NFKB1: variants seen among roughly 807,000 people sequenced by gnomAD.
The protein encoded by NFKB1 is nuclear factor kappa B subunit 1.
Under a neutral mutation model 105.1 loss-of-function variants are expected in NFKB1, and 9 were observed. That is an observed-to-expected ratio of 0.09 (90% CI 0.05 to 0.15). NFKB1 has a LOEUF of 0.15. NFKB1 is among the 10% of genes least tolerant of loss of function. NFKB1 has a pLI of 1.00. For synonymous variants in NFKB1, 440 were observed against 442.2 expected (o/e 1.00, Z 0.06); for missense variants, 830 against 1,203.7 (o/e 0.69, Z 4.59).
At chr4:102,613,658 G>A in intron 23 of NFKB1, 77 bp downstream of exon 23, 2 of 1,484,892 alleles carry the variant, frequency 1.3e-6, no homozygotes, top group Non-Finnish European at 1.8e-6. Flanking sequence ...TTTTGGATAT[G>A]GTGTGGCAGT....
At chr4:102,530,976 T>C (rs559181418) in intron 3 of NFKB1, among the ~76,000 whole-genome samples, 3 of 152,302 alleles carry the variant, frequency 2.0e-5, no homozygotes, top group South Asian at 4.1e-4. Context: ...ATTTGAGCTC[T>C]AGGTCAGCTT....
chr4:102,505,478 T>A (rs1739361772), intron 1 of NFKB1, among the ~76,000 whole-genome samples: 1 of 152,240 alleles, frequency 6.6e-6, no homozygotes, highest in Non-Finnish European at 1.5e-5. Flanking sequence ...AGAATAATGA[T>A]ATATTTGGTT....
At chr4:102,560,735 CTGTT>C (rs769174638) in intron 5 of NFKB1, among the ~76,000 whole-genome samples, 1 of 152,136 alleles carries the variant, frequency 6.6e-6, no homozygotes, top group Non-Finnish European at 1.5e-5. Context: ...CTTTGTTAAT[CTGTT>C]TGAACTTCTG....
intron 5 of NFKB1, among the ~76,000 whole-genome samples, chr4:102,555,065 G>A (rs911742469): frequency 6.6e-6 from 1 of 152,132 alleles, no homozygotes; most frequent in Non-Finnish European, 1.5e-5. Flanking sequence ...CTGGTTTCAA[G>A]CAGAGGAGTT....
chr4:102,561,330 G>T (rs60132858), intron 5 of NFKB1, among the ~76,000 whole-genome samples: 1 of 144,666 alleles, frequency 6.9e-6, no homozygotes, highest in Non-Finnish European at 1.5e-5. Flanking sequence ...TCACAGAAAA[G>T]AATGAATGCA....
chr4:102,607,237 A>G lies in NFKB1; in HGVS notation c.2042A>G (p.Gln681Arg). 1 of 1,614,222 alleles carries G rather than the reference A, an allele frequency of 6.2e-7. No homozygotes were observed. Among genetic ancestry groups the G allele is most frequent in the Non-Finnish European group, 8.5e-7 (1 of 1,180,034 alleles). The change falls in exon 18 of 24, where the codon CAG (glutamine) becomes CGG (arginine). Residue 681 changes from glutamine to arginine, a missense_variant. Transcript: ENST00000226574. ...LVAAGADVNAQEQKSGRTALH... is the reference protein window; with the variant it reads ...LVAAGADVNAREQKSGRTALH... ...GCCGCTGGGGCTGACGTCAATGCTCAGGAGCAGAAGTCCGGGCGCACAGCA... is the reference window on the plus strand; with the variant it reads ...GCCGCTGGGGCTGACGTCAATGCTCGGGAGCAGAAGTCCGGGCGCACAGCA...
intron 5 of NFKB1, among the ~76,000 whole-genome samples, chr4:102,541,084 T>G (rs932616103): frequency 6.6e-6 from 1 of 152,138 alleles, no homozygotes; most frequent in Non-Finnish European, 1.5e-5. Flanking sequence ...AATTCTGTGT[T>G]GTGGGAGGCT....
chr4:102,578,177 C>T (rs185565765), intron 7 of NFKB1: 1 of 162,256 alleles, frequency 6.2e-6, no homozygotes, highest in East Asian at 1.9e-4. Context: ...TGAATGTGTT[C>T]AAATTCTGCC....
Position 102,515,113 on chromosome 4 carries a change from T to A in NFKB1, c.-7-10399T>A, listed in dbSNP as rs868462101. ...TAATATTATTATTATTATTATTTTTTTTTTTTTTTTTTTTTGAGACGGAGT... is the reference window on the plus strand; with the variant it reads ...TAATATTATTATTATTATTATTTTTATTTTTTTTTTTTTTTGAGACGGAGT... On this transcript the variant is annotated intron_variant, in intron 1 of 23. Transcript: ENST00000226574. 4.2e-3 allele frequency among the ~76,000 whole-genome samples: 538 copies of A among 128,470 alleles called. 3 individuals are homozygous for A. The highest frequency in any genetic ancestry group is 0.014 in the African/African-American group (487 of 34,072). The allele number at this position is 128,470 out of a possible 152,430, so 84.3% of individuals were successfully genotyped here. A position where few individuals can be genotyped will look rare whatever the true frequency, so the allele number is the denominator to read the frequency against.
intron 23 of NFKB1, among the ~76,000 whole-genome samples, chr4:102,615,307 C>T (rs890493398): frequency 2.0e-5 from 3 of 152,232 alleles, no homozygotes; most frequent in Admixed American, 1.3e-4. Flanking sequence ...CTCCACACTG[C>T]GCCTCCATTC....
intron 1 of NFKB1, among the ~76,000 whole-genome samples, chr4:102,512,567 A>G (rs561831910): frequency 2.4e-3 from 364 of 152,252 alleles, no homozygotes; most frequent in Non-Finnish European, 3.3e-3. Context: ...GGGTCTCCCT[A>G]TGTTGCCAAG....
At chr4:102,616,110 GA>G (rs1728919669) in intron 23 of NFKB1, among the ~76,000 whole-genome samples, 1 of 152,166 alleles carries the variant, frequency 6.6e-6, no homozygotes, top group South Asian at 2.1e-4. Context: ...ACAGTGGTTG[GA>G]AAACTACACT....
chr4:102,512,687 G>A (rs1470451405), intron 1 of NFKB1, among the ~76,000 whole-genome samples: 1 of 152,196 alleles, frequency 6.6e-6, no homozygotes, highest in Non-Finnish European at 1.5e-5. Flanking sequence ...GGTCAGTGTA[G>A]AAAGGGCTTC....
Position 102,596,351 on chromosome 4 carries a change from T to C in NFKB1, c.1495+19T>C. On this transcript the variant is annotated intron_variant, in intron 14 of 23. Coordinates refer to ENST00000226574, the MANE Select transcript of NFKB1 (RefSeq NM_003998.4). ...GTTCAGGGTAAGTGAGCACACAAAT[T>C]ACGTTCTGTTGGTTGGCTGGGGAGG... is the stretch of plus-strand genomic sequence containing the variant. 1 of 1,578,186 alleles carries C rather than the reference T, an allele frequency of 6.3e-7. No homozygotes were observed. The highest frequency in any genetic ancestry group is 1.2e-5 in the South Asian group (1 of 86,750).
intron 5 of NFKB1, among the ~76,000 whole-genome samples, chr4:102,558,276 G>A (rs1039054824): frequency 2.3e-4 from 35 of 152,132 alleles, no homozygotes; most frequent in African/African-American, 7.5e-4. Flanking sequence ...CCACTTATAA[G>A]TGAGAATATG....
chr4:102,586,060 T>C (rs1320657720), intron 11 of NFKB1, among the ~76,000 whole-genome samples: 1 of 152,182 alleles, frequency 6.6e-6, no homozygotes, highest in Non-Finnish European at 1.5e-5. Context: ...CTCTGACTTC[T>C]TTATGTCACC....
At chr4:102,518,942 C>T (rs1311753475) in intron 1 of NFKB1, among the ~76,000 whole-genome samples, 2 of 152,170 alleles carry the variant, frequency 1.3e-5, no homozygotes, top group Admixed American at 6.6e-5. Flanking sequence ...AGAACTTGTA[C>T]TTCTACCTCT....
At chr4:102,547,640 T>G (rs1370178427) in intron 5 of NFKB1, among the ~76,000 whole-genome samples, 1 of 152,222 alleles carries the variant, frequency 6.6e-6, no homozygotes, top group Non-Finnish European at 1.5e-5. Context: ...CAGTAAGCAC[T>G]TAAAAATGAC....
intron 16 of NFKB1, among the ~76,000 whole-genome samples, chr4:102,602,186 C>A (rs921733171): frequency 6.6e-6 from 1 of 152,020 alleles, no homozygotes; most frequent in Non-Finnish European, 1.5e-5. Context: ...ACTTCATTTT[C>A]TTTAAAGGAA....
Sources: gnomAD v4.1 joint callset for allele counts (sites outside exome capture counted in the v4.1 genomes callset) on GRCh38, gnomAD v4.1.1 for gene constraint, MANE v1.5 for transcripts, NCBI Gene and HGNC (gene_info 2026-07-23, HGNC 2026-07-21) for gene names.